GALNT18: variants seen among roughly 807,000 people sequenced by gnomAD.
GALNT18 encodes polypeptide N-acetylgalactosaminyltransferase 18.
Under a neutral mutation model 69.5 loss-of-function variants are expected in GALNT18, and 44 were observed. That is an observed-to-expected ratio of 0.63 (90% CI 0.50 to 0.81). The LOEUF is 0.81. Ranked by LOEUF, GALNT18 falls within the 40% of genes least tolerant of loss-of-function variation. GALNT18 has a pLI of 0.00. For missense variants in GALNT18, 715 were observed against 810.0 expected, an observed-to-expected ratio of 0.88 and a Z score of 1.42; for synonymous variants, 364 against 318.2, an observed-to-expected ratio of 1.14 and a Z score of -1.53.
In GALNT18 at chr11:11,497,841, T is replaced by C. The variant is rs898062586; in HGVS notation, c.236-48905A>G. Among the ~76,000 whole-genome samples, 1 of 152,056 alleles carries C rather than the reference T, an allele frequency of 6.6e-6. No individual in the cohort carries two copies. Among genetic ancestry groups the C allele is most frequent in the Non-Finnish European group, 1.5e-5 (1 of 68,018 alleles). On this transcript the variant is annotated intron_variant, in intron 1 of 10. Transcript: ENST00000227756. The surrounding 1 kb of genome is among the most constrained non-coding windows in gnomAD (Gnocchi z 4.2). ...AATATTTCATGCTAATATTTTGGTG[T>C]AAGGCCAAGGCTTCTATTTGAGCTG...
chr11:11,613,992 G>A lies in GALNT18; in HGVS notation c.235+7367C>T, dbSNP rs1859980581. Among the ~76,000 whole-genome samples the A allele has an allele frequency of 6.6e-6, 1 of 152,052 alleles. No individual in the cohort carries two copies. Among genetic ancestry groups the A allele is most frequent in the African/African-American group, 2.4e-5 (1 of 41,378 alleles). Reference sequence around the variant, plus strand: ...ACATCACCTCCAGCTGTACTGCTTGGCAATGTGCTTCTCCACAGGGCAGCC... The same window carrying A: ...ACATCACCTCCAGCTGTACTGCTTGACAATGTGCTTCTCCACAGGGCAGCC... On this transcript the variant is annotated intron_variant, in intron 1 of 10. Transcript: ENST00000227756. The surrounding 1 kb of genome is among the most constrained non-coding windows in gnomAD (Gnocchi z 4.2).
chr11:11,559,054 A>G lies in GALNT18; in HGVS notation c.235+62305T>C, dbSNP rs1858399651. ...GCTTCCTCATTTGGAAAATGGAGGT[A>G]ATAAATAACAGCACCTCCTTCACAG... On this transcript the variant is annotated intron_variant, in intron 1 of 10. Coordinates refer to ENST00000227756, the MANE Select transcript of GALNT18 (RefSeq NM_198516.3). 2.6e-5 allele frequency among the ~76,000 whole-genome samples: 4 copies of G among 152,308 alleles called. No individual in the cohort carries two copies. The South Asian group carries it at 8.3e-4, about 32-fold the overall frequency.
At chr11:11,557,986 G>T (rs1023955414) in intron 1 of GALNT18, among the ~76,000 whole-genome samples, 1 of 152,178 alleles carries the variant, frequency 6.6e-6, no homozygotes, top group Non-Finnish European at 1.5e-5. Context: ...CCCCAAAGTG[G>T]AACTGTATGA....
intron 3 of GALNT18, 84 bp from the exon 4 acceptor site, chr11:11,379,348 T>C (rs1302380351): frequency 2.2e-6 from 3 of 1,357,170 alleles, no homozygotes; most frequent in African/African-American, 1.4e-5. Context: ...CTTTTAGTGA[T>C]GACCCCCAGA....
intron 10 of GALNT18, among the ~76,000 whole-genome samples, chr11:11,274,945 T>C (rs189793411): frequency 2.0e-5 from 3 of 152,340 alleles, no homozygotes; most frequent in Admixed American, 2.0e-4. Context: ...TCCAGTCTAG[T>C]GTTGATGGAT....
At chr11:11,446,633 G>T (rs1855659104) in intron 2 of GALNT18, among the ~76,000 whole-genome samples, 1 of 152,074 alleles carries the variant, frequency 6.6e-6, no homozygotes, top group Non-Finnish European at 1.5e-5. Flanking sequence ...CCCCATCTCA[G>T]CACCTCCCCT....
chr11:11,466,888 T>G lies in GALNT18; in HGVS notation c.236-17952A>C, dbSNP rs1347753190. On this transcript the variant is annotated intron_variant, in intron 1 of 10. Transcript: ENST00000227756. ...AAACTGCTTCCAAAAGGCCTGGCAA[T>G]AGGACACACGCAGATCAATGAAAGG... 3.9e-5 allele frequency among the ~76,000 whole-genome samples: 6 copies of G among 152,226 alleles called. No individual in the cohort carries two copies. In the South Asian group the frequency reaches 1.2e-3, roughly 32 times the overall value.
rs1344387946 is a variant in GALNT18 at position 11,469,592 on chromosome 11, T to C, written c.236-20656A>G. ...TTTCAGTTTGATCCATGAGGGCCAT[T>C]TAGGGCTGCTCACATAGGCTGTGAG... On this transcript the variant is annotated intron_variant, in intron 1 of 10. Transcript: ENST00000227756. The surrounding 1 kb of genome is among the most constrained non-coding windows in gnomAD (Gnocchi z 4.2). Among the ~76,000 whole-genome samples the C allele has an allele frequency of 6.6e-6, 1 of 152,140 alleles. No homozygotes were observed. Among genetic ancestry groups the C allele is most frequent in the Non-Finnish European group, 1.5e-5 (1 of 68,026 alleles).
At chr11:11,376,523 G>A (rs1374561996) in intron 5 of GALNT18, among the ~76,000 whole-genome samples, 1 of 152,306 alleles carries the variant, frequency 6.6e-6, no homozygotes. Flanking sequence ...AAGAACTTGG[G>A]ACCTTTGAAA....
At chr11:11,418,953 T>C (rs2133770276) in intron 3 of GALNT18, among the ~76,000 whole-genome samples, 1 of 152,168 alleles carries the variant, frequency 6.6e-6, no homozygotes, top group Non-Finnish European at 1.5e-5. Context: ...GGAAGCCCAT[T>C]AGAGTGGGAG....
intron 1 of GALNT18, among the ~76,000 whole-genome samples, chr11:11,482,239 G>A (rs1225982407): frequency 6.6e-6 from 1 of 152,242 alleles, no homozygotes; most frequent in Non-Finnish European, 1.5e-5. Flanking sequence ...TGTGCAGTCG[G>A]AGGGGCCTGC....
chr11:11,395,681 G>C (rs991063962), intron 3 of GALNT18, among the ~76,000 whole-genome samples: 2 of 152,168 alleles, frequency 1.3e-5, no homozygotes, highest in Non-Finnish European at 2.9e-5. Flanking sequence ...GCAGAGCGGA[G>C]GTAATGATGC....
At position 11,584,103 on chromosome 11, in the gene GALNT18, C is replaced by T. The variant is rs552856000; in HGVS notation, c.235+37256G>A. Among the ~76,000 whole-genome samples, 7 of 151,864 alleles carry T rather than the reference C, an allele frequency of 4.6e-5. No individual in the cohort carries two copies. In the East Asian group the frequency reaches 7.8e-4, roughly 17 times the overall value. ...AGCAGAAAAGAGATAAGAGGACATA[C>T]GGAGAGAAGTAAAAAGGGGAAGTAG... On this transcript the variant is annotated intron_variant, in intron 1 of 10. Coordinates refer to ENST00000227756, the MANE Select transcript of GALNT18 (RefSeq NM_198516.3). This position sits in a 1 kb window ranked among gnomAD's most constrained non-coding sequence, Gnocchi z 4.1.
rs183452280 is a variant in GALNT18 at position 11,385,735 on chromosome 11, A to G, written c.596-6471T>C. 4.8e-3 allele frequency among the ~76,000 whole-genome samples: 731 copies of G among 152,306 alleles called. 2 individuals are homozygous for G. The highest frequency in any genetic ancestry group is 8.0e-3 in the Non-Finnish European group (545 of 68,024). On this transcript the variant is annotated intron_variant, in intron 3 of 10. Coordinates refer to ENST00000227756, the MANE Select transcript of GALNT18 (RefSeq NM_198516.3). ...ATTAGGGGGAGGAATTGGGGCATGA[A>G]TACCCCATGGGTGAACTGAATTTTA... is the stretch of plus-strand genomic sequence containing the variant.
At chr11:11,530,123 G>A (rs909320304) in intron 1 of GALNT18, among the ~76,000 whole-genome samples, 2 of 152,108 alleles carry the variant, frequency 1.3e-5, no homozygotes, top group East Asian at 3.9e-4. Flanking sequence ...CACATGCACC[G>A]GCTTGTGATG....
intron 3 of GALNT18, among the ~76,000 whole-genome samples, chr11:11,418,283 A>G (rs1046895413): frequency 1.6e-4 from 25 of 152,244 alleles, no homozygotes; most frequent in African/African-American, 6.0e-4. Context: ...GTTACTGCTG[A>G]ATCTCAGTTT....
chr11:11,314,744 C>G lies in GALNT18; in HGVS notation c.1512+12342G>C, dbSNP rs1473215300. Among the ~76,000 whole-genome samples the G allele has an allele frequency of 1.3e-5, 2 of 152,196 alleles. No individual in the cohort carries two copies. The highest frequency in any genetic ancestry group is 4.8e-5 in the African/African-American group (2 of 41,460). ...CTGTGAAAGTCCTTTGGGCTATGCCCTGTGGAGGCTGTGGATTCTAAGGAG... is the reference window on the plus strand; with the variant it reads ...CTGTGAAAGTCCTTTGGGCTATGCCGTGTGGAGGCTGTGGATTCTAAGGAG... On this transcript the variant is annotated intron_variant, in intron 9 of 10. Transcript: ENST00000227756. This position sits in a 1 kb window ranked among gnomAD's most constrained non-coding sequence, Gnocchi z 5.2.
intron 10 of GALNT18, among the ~76,000 whole-genome samples, chr11:11,289,986 A>G (rs1849268513): frequency 6.6e-6 from 1 of 152,212 alleles, no homozygotes; most frequent in African/African-American, 2.4e-5. Context: ...AGGAATACCC[A>G]TGTCTGGATG....
rs4636660 is a variant in GALNT18, at chr11:11,568,860, T to C, written c.235+52499A>G. Among the ~76,000 whole-genome samples the C allele has an allele frequency of 1.0e-3, 158 of 152,360 alleles. 2 individuals are homozygous for C. The South Asian group carries it at 0.03, about 29-fold the overall frequency. ...CCGATAGCTGAGATGAGAAGAAGCC[T>C]GTGGCCAATATAACCTCATCCCCTG... On this transcript the variant is annotated intron_variant, in intron 1 of 10. Transcript: ENST00000227756.
Sources: gnomAD v4.1 joint callset for allele counts (sites outside exome capture counted in the v4.1 genomes callset) on GRCh38, gnomAD v4.1.1 for gene constraint, Gnocchi (gnomAD v3.1) non-coding constraint, MANE v1.5 for transcripts, NCBI Gene and HGNC (gene_info 2026-07-23, HGNC 2026-07-21) for gene names.